Variants in RBMS3 observed in about 807,000 individuals in gnomAD.
The protein encoded by RBMS3 is RNA binding motif single stranded interacting protein 3, also known as RNA-binding motif, single-stranded-interacting protein 3.
A neutral mutation model predicts 66.8 loss-of-function variants in RBMS3; 27 were observed. The ratio of observed to expected loss-of-function variants is 0.40; its 90% confidence interval spans 0.30 to 0.56. The LOEUF is 0.56. Ranked by LOEUF, RBMS3 falls within the 20% of genes least tolerant of loss-of-function variation. The probability of loss-of-function intolerance (pLI) is 0.40; values close to 1 mark genes in which losing one functional copy is unlikely to be tolerated. For synonymous variants in RBMS3, 188 were observed against 183.0 expected, an observed-to-expected ratio of 1.03 and a Z score of -0.22; for missense variants, 513 against 549.5, an observed-to-expected ratio of 0.93 and a Z score of 0.66.
intron 4 of RBMS3, among the ~76,000 whole-genome samples, chr3:29,632,429 T>C (rs2049318904): frequency 6.6e-6 from 1 of 151,914 alleles, no homozygotes; most frequent in Non-Finnish European, 1.5e-5. Context: ...GATTTATTGG[T>C]TGATAATGAC....
intron 4 of RBMS3, among the ~76,000 whole-genome samples, chr3:29,624,580 G>A (rs1279804431): frequency 6.6e-6 from 1 of 151,942 alleles, no homozygotes; most frequent in East Asian, 1.9e-4. Flanking sequence ...TCTGATCACT[G>A]GGAAGAAGAA....
chr3:29,345,816 G>A (rs1195965622), intron 1 of RBMS3, among the ~76,000 whole-genome samples: 1 of 152,182 alleles, frequency 6.6e-6, no homozygotes, highest in Admixed American at 6.5e-5. Context: ...TAATTAAAAT[G>A]ATTAATTGGA....
chr3:29,887,819 T>C (rs190633935), intron 8 of RBMS3, among the ~76,000 whole-genome samples: 67 of 151,926 alleles, frequency 4.4e-4, no homozygotes, highest in African/African-American at 1.4e-3. Flanking sequence ...TTTTAATCAG[T>C]CATTCTCTAA....
chr3:29,853,152 C>T (rs79407285), intron 6 of RBMS3, among the ~76,000 whole-genome samples: 1 of 152,140 alleles, frequency 6.6e-6, no homozygotes, highest in African/African-American at 2.4e-5. Context: ...ACTGTGGCCT[C>T]TCAGAGAGTG....
At chr3:29,289,469 G>A (rs2032640158) in intron 1 of RBMS3, among the ~76,000 whole-genome samples, 1 of 151,816 alleles carries the variant, frequency 6.6e-6, no homozygotes, top group African/African-American at 2.4e-5. Flanking sequence ...AGAATATTTA[G>A]TGATGGGGGA....
chr3:29,582,107 A>G (rs2047347728), intron 3 of RBMS3, among the ~76,000 whole-genome samples: 1 of 152,114 alleles, frequency 6.6e-6, no homozygotes, highest in Admixed American at 6.5e-5. Flanking sequence ...AAGGAAACAA[A>G]TAAGAACCAT....
chr3:29,932,964 C>T (rs1376562054), intron 10 of RBMS3, among the ~76,000 whole-genome samples: 1 of 152,172 alleles, frequency 6.6e-6, no homozygotes, highest in Non-Finnish European at 1.5e-5. Flanking sequence ...ACCTTTCCAT[C>T]AGCTGTTTGG....
chr3:29,772,693 T>C (rs2056262851), intron 6 of RBMS3, among the ~76,000 whole-genome samples: 1 of 151,932 alleles, frequency 6.6e-6, no homozygotes, highest in East Asian at 1.9e-4. Context: ...TAGGATTCTT[T>C]CTGAAGACAG....
intron 12 of RBMS3, among the ~76,000 whole-genome samples, chr3:29,968,291 G>T (rs551713365): frequency 6.6e-6 from 1 of 152,304 alleles, no homozygotes; most frequent in South Asian, 2.1e-4. Context: ...AAGGAAAAGG[G>T]CTTTAGATCT....
chr3:29,955,533 A>T (rs538427292), intron 12 of RBMS3, among the ~76,000 whole-genome samples: 2 of 151,912 alleles, frequency 1.3e-5, no homozygotes, highest in South Asian at 2.1e-4. Flanking sequence ...GGATTAAGCT[A>T]AAAAAAAGCT....
At chr3:29,528,076 A>T (rs2148987758) in intron 3 of RBMS3, among the ~76,000 whole-genome samples, 1 of 151,918 alleles carries the variant, frequency 6.6e-6, no homozygotes, top group East Asian at 1.9e-4. Flanking sequence ...AGAAATGCTA[A>T]ACTTGTTGAA....
chr3:29,472,096 G>C (rs1187833274), intron 2 of RBMS3, among the ~76,000 whole-genome samples: 1 of 151,888 alleles, frequency 6.6e-6, no homozygotes, highest in Admixed American at 6.6e-5. Context: ...TCAGTGTATA[G>C]TTTGTATTTT....
intron 3 of RBMS3, among the ~76,000 whole-genome samples, chr3:29,549,838 T>A (rs1176795623): frequency 6.6e-6 from 1 of 152,154 alleles, no homozygotes; most frequent in African/African-American, 2.4e-5. Flanking sequence ...AGTAAAATAT[T>A]TTTTTCTAGC....
rs183243599 is a variant in RBMS3, at chr3:29,439,930, T to C, written c.248+5015T>C. ...GACTACTGACAGAACACTTGGATCA[T>C]ATATATCCTTTATGCTTATCTCAGG... On this transcript the variant is annotated intron_variant, in intron 2 of 14. Transcript: ENST00000383767. Among the ~76,000 whole-genome samples the C allele has an allele frequency of 1.4e-4, 21 of 152,338 alleles. No individual in the cohort carries two copies. In the East Asian group the frequency reaches 3.7e-3, roughly 27 times the overall value.
At chr3:29,574,339 T>C (rs1019058319) in intron 3 of RBMS3, among the ~76,000 whole-genome samples, 3 of 152,214 alleles carry the variant, frequency 2.0e-5, no homozygotes, top group Non-Finnish European at 4.4e-5. Flanking sequence ...CTTGCAGTTT[T>C]TGTCTTGAAA....
At chr3:29,928,905 T>G (rs1327959489) in intron 10 of RBMS3, among the ~76,000 whole-genome samples, 1 of 152,188 alleles carries the variant, frequency 6.6e-6, no homozygotes, top group Admixed American at 6.5e-5. Context: ...TACTCATTAG[T>G]TATGCGATTG....
At chr3:29,833,891 T>C (rs1453933019) in intron 6 of RBMS3, among the ~76,000 whole-genome samples, 3 of 151,848 alleles carry the variant, frequency 2.0e-5, no homozygotes, top group Non-Finnish European at 2.9e-5. Context: ...AAAATCAAAT[T>C]GTCAAAAATC....
chr3:29,773,391 GT>G (rs552054265), intron 6 of RBMS3, among the ~76,000 whole-genome samples: 2 of 152,062 alleles, frequency 1.3e-5, no homozygotes, highest in South Asian at 4.2e-4. Context: ...TCAAAAATGT[GT>G]TTCTTAGCCA....
intron 1 of RBMS3, among the ~76,000 whole-genome samples, chr3:29,353,846 A>G (rs2125563965): frequency 6.6e-6 from 1 of 152,234 alleles, no homozygotes; most frequent in East Asian, 1.9e-4. Context: ...GTTTCTTATT[A>G]GCAAAATTTC....
Sources: allele counts gnomAD v4.1 joint callset (sites outside exome capture counted in the v4.1 genomes callset), GRCh38; gene constraint gnomAD v4.1.1; transcripts MANE v1.5; gene names NCBI Gene and HGNC (gene_info 2026-07-23, HGNC 2026-07-21).